PDE4D: variants seen among roughly 807,000 people sequenced by gnomAD.
PDE4D encodes 3',5'-cyclic-AMP phosphodiesterase 4D.
PDE4D carries 24 observed loss-of-function variants against 87.4 expected under a neutral mutation model. The observed-to-expected ratio is 0.27, with a 90% confidence interval of 0.20 to 0.39. The LOEUF (loss-of-function observed/expected upper bound fraction) is 0.39. Among genes scored for constraint, PDE4D ranks in the 10% least tolerant of loss-of-function variants. The pLI, the probability that PDE4D is intolerant of heterozygous loss-of-function variation, is 1.00. For missense variants in PDE4D, 714 were observed against 1,041.0 expected (o/e 0.69, Z 4.32); for synonymous variants, 384 against 383.2 (o/e 1.00, Z -0.02).
rs1383645796 is a variant in PDE4D at position 60,135,900 on chromosome 5, C to T, written c.42+49657G>A. On this transcript the variant is annotated intron_variant, in intron 2 of 16. Coordinates refer to the PDE4D transcript ENST00000502484. ...AGACACCTTTTGCTTAACAACTCAT[C>T]CTTTCCAAGCTTCTTTGACAATAGA... Among the ~76,000 whole-genome samples the T allele has an allele frequency of 2.0e-5, 3 of 152,290 alleles. 1 individual carries two copies. Among genetic ancestry groups the T allele is most frequent in the South Asian group, 4.1e-4 (2 of 4,824 alleles).
chr5:59,306,675 G>A (rs536533634), intron 1 of PDE4D, among the ~76,000 whole-genome samples: 10 of 151,104 alleles, frequency 6.6e-5, no homozygotes, highest in African/African-American at 2.4e-4. Context: ...CTTCTTCAAG[G>A]AGAACTGCAA....
chr5:59,186,611 T>C (rs1265012441), intron 3 of PDE4D, among the ~76,000 whole-genome samples: 1 of 152,134 alleles, frequency 6.6e-6, no homozygotes, highest in East Asian at 1.9e-4. Flanking sequence ...TGTCCCAGAC[T>C]CTGTTTTGTT....
intron 2 of PDE4D, among the ~76,000 whole-genome samples, chr5:59,215,263 G>A (rs1750977525): frequency 1.1e-5 from 1 of 88,472 alleles, no homozygotes; most frequent in Non-Finnish European, 2.6e-5. Context: ...TTAAAAGTTG[G>A]TTTAATTTTG....
At chr5:60,515,608 T>C (rs1238949689) in intron 1 of PDE4D, among the ~76,000 whole-genome samples, 3 of 148,168 alleles carry the variant, frequency 2.0e-5, no homozygotes, top group African/African-American at 5.0e-5. Context: ...TTTCTTTTTT[T>C]TTTTTTTTTT....
At chr5:59,909,499 G>A (rs1229307988) in intron 3 of PDE4D, among the ~76,000 whole-genome samples, 1 of 151,734 alleles carries the variant, frequency 6.6e-6, no homozygotes, top group Admixed American at 6.6e-5. Flanking sequence ...GGCCTCAATC[G>A]ATCCTCCCAC....
chr5:60,460,668 C>CT, intron 1 of PDE4D: 1 of 1,088,818 alleles, frequency 9.2e-7, no homozygotes, highest in Non-Finnish European at 1.4e-6. Flanking sequence ...ATGTCTCCTC[C>CT]GGTCCCAGAG....
chr5:59,683,510 ACT>A (rs1390487359), intron 1 of PDE4D, among the ~76,000 whole-genome samples: 3 of 152,230 alleles, frequency 2.0e-5, no homozygotes, highest in Non-Finnish European at 4.4e-5. Flanking sequence ...TATAAAGCAC[ACT>A]CAGCATAAAA....
chr5:60,166,387 T>G (rs1782903507), intron 2 of PDE4D, among the ~76,000 whole-genome samples: 1 of 152,246 alleles, frequency 6.6e-6, no homozygotes, highest in Non-Finnish European at 1.5e-5. Flanking sequence ...TGATAACAAC[T>G]TAACATGGAT....
intron 1 of PDE4D, among the ~76,000 whole-genome samples, chr5:59,365,962 A>C (rs1782988509): frequency 6.6e-6 from 1 of 152,202 alleles, no homozygotes; most frequent in South Asian, 2.1e-4. Context: ...GATGTCTAAA[A>C]TATAAACTTG....
At position 60,138,897 on chromosome 5, in the gene PDE4D, T is replaced by A. The variant is rs570235437; in HGVS notation, c.42+46660A>T. 1.1e-4 allele frequency among the ~76,000 whole-genome samples: 17 copies of A among 152,220 alleles called. No homozygotes were observed. The South Asian group carries it at 3.5e-3, about 32-fold the overall frequency. ...TTATAATCAATGAAATAAAATTGCG[T>A]TCAGGATAGTGAAATTGTGTCATAA... On this transcript the variant is annotated intron_variant, in intron 2 of 16. Transcript: ENST00000502484.
At chr5:59,938,480 T>C (rs964736451) in intron 3 of PDE4D, among the ~76,000 whole-genome samples, 2 of 152,208 alleles carry the variant, frequency 1.3e-5, no homozygotes, top group Non-Finnish European at 2.9e-5. Flanking sequence ...CCAGCCAAGA[T>C]GACCTATATG....
At chr5:60,491,753 CATG>C (rs1749544811), upstream of PDE4D, among the ~76,000 whole-genome samples, 2 of 152,162 alleles carry the variant, frequency 1.3e-5, no homozygotes, top group African/African-American at 2.4e-5. Flanking sequence ...AGCAGTATAA[CATG>C]GTGGTTGGTA....
chr5:59,381,600 G>A (rs936787515), intron 1 of PDE4D, among the ~76,000 whole-genome samples: 5 of 151,934 alleles, frequency 3.3e-5, no homozygotes, highest in African/African-American at 7.2e-5. Flanking sequence ...ATGAAAGCAC[G>A]GTGCACAATA....
At chr5:60,447,651 T>G (rs1315255675) in intron 1 of PDE4D, among the ~76,000 whole-genome samples, 2 of 152,062 alleles carry the variant, frequency 1.3e-5, no homozygotes, top group Non-Finnish European at 2.9e-5. Flanking sequence ...TATTTACCAA[T>G]GGCGGGGAAG....
intron 1 of PDE4D, among the ~76,000 whole-genome samples, chr5:60,421,077 G>T (rs904084846): frequency 6.6e-6 from 1 of 152,230 alleles, no homozygotes; most frequent in Non-Finnish European, 1.5e-5. Flanking sequence ...AAAGCCTACT[G>T]CCTCTATAGA....
intron 1 of PDE4D, among the ~76,000 whole-genome samples, chr5:59,299,468 T>G (rs1769748937): frequency 6.6e-6 from 1 of 152,328 alleles, no homozygotes; most frequent in Middle Eastern, 3.4e-3. Flanking sequence ...TTCTTGAATT[T>G]CCTAAATAAA....
intron 1 of PDE4D, among the ~76,000 whole-genome samples, chr5:59,217,588 G>T (rs1026667482): frequency 6.6e-6 from 1 of 152,046 alleles, no homozygotes; most frequent in East Asian, 1.9e-4. Flanking sequence ...ATATTTATTT[G>T]GTTCAGGAAG....
intron 5 of PDE4D, among the ~76,000 whole-genome samples, chr5:59,133,753 C>A (rs574332798): frequency 6.6e-6 from 1 of 152,110 alleles, no homozygotes; most frequent in Non-Finnish European, 1.5e-5. Flanking sequence ...GCGGGCTTAG[C>A]GTGGGCAATG....
At chr5:59,460,598 C>T (rs1800619431) in intron 1 of PDE4D, among the ~76,000 whole-genome samples, 1 of 152,088 alleles carries the variant, frequency 6.6e-6, no homozygotes, top group African/African-American at 2.4e-5. Flanking sequence ...TGGCAGTGTC[C>T]CCCAGCCCAT....
Sources: gnomAD v4.1 joint callset for allele counts (sites outside exome capture counted in the v4.1 genomes callset) on GRCh38, gnomAD v4.1.1 for gene constraint, MANE v1.5 for transcripts, NCBI Gene and HGNC (gene_info 2026-07-23, HGNC 2026-07-21) for gene names.